Variants in MTUS1 observed in about 807,000 individuals in gnomAD.
MTUS1 encodes microtubule associated scaffold protein 1, also known as microtubule-associated tumor suppressor 1.
MTUS1 carries 109 observed loss-of-function variants against 120.8 expected under a neutral mutation model. The ratio of observed to expected loss-of-function variants is 0.90; its 90% CI spans 0.77 to 1.06. The LOEUF (loss-of-function observed/expected upper bound fraction) is 1.06. Ranked by LOEUF, MTUS1 falls within the 50% of genes least tolerant of loss-of-function variation. MTUS1 has a pLI of 0.00. For synonymous variants in MTUS1, 737 were observed against 550.5 expected (o/e 1.34, Z -4.74); for missense variants, 2,210 against 1,486.3 (o/e 1.49, Z -8.01).
chr8:17,700,816 T>G (rs1273178039), intron 6 of MTUS1, among the ~76,000 whole-genome samples: 2 of 152,180 alleles, frequency 1.3e-5, no homozygotes, highest in Admixed American at 1.3e-4. Context: ...AAACGATGTG[T>G]AAAGTCTATA....
At chr8:17,744,615 T>A (rs780522677) in intron 2 of MTUS1, among the ~76,000 whole-genome samples, 1 of 151,652 alleles carries the variant, frequency 6.6e-6, no homozygotes, top group Non-Finnish European at 1.5e-5. Context: ...CTAATTTTTA[T>A]ATTTTTGTAG....
Position 17,645,674 on chromosome 8 carries a change from C to G in MTUS1, c.*252G>C. 1 of 408,210 alleles carries G rather than the reference C, an allele frequency of 2.4e-6. No homozygotes were observed. The allele number at this position is 408,210 out of a possible 1,614,324, so 25.3% of individuals were successfully genotyped here. ...GCTCTCGTTCTTTAAGTGCTTTGTG[C>G]AACAACGTCCGTGTCGATGCCGAAA... On this transcript the variant is annotated 3_prime_UTR_variant, in exon 15 of 15. Transcript: ENST00000693296.
chr8:17,713,168 T>C (rs1412104276), intron 6 of MTUS1, 46 bp downstream of exon 6: 2 of 1,452,780 alleles, frequency 1.4e-6, no homozygotes, highest in South Asian at 1.2e-5. Flanking sequence ...TAACATAACT[T>C]TACAAAAAGA....
intron 8 of MTUS1, among the ~76,000 whole-genome samples, chr8:17,665,487 G>A (rs991992933): frequency 2.0e-5 from 3 of 151,070 alleles, no homozygotes; most frequent in African/African-American, 4.9e-5. Flanking sequence ...AAGAAGAATG[G>A]AAATAACGGA....
intron 2 of MTUS1, among the ~76,000 whole-genome samples, chr8:17,750,673 T>G (rs1180905495): frequency 2.0e-5 from 3 of 152,166 alleles, no homozygotes; most frequent in Non-Finnish European, 4.4e-5. Context: ...AATAACAATG[T>G]ATGGAAAGCA....
intron 14 of MTUS1, among the ~76,000 whole-genome samples, chr8:17,646,456 C>A (rs1397993830): frequency 6.6e-6 from 1 of 152,116 alleles, no homozygotes; most frequent in Non-Finnish European, 1.5e-5. Context: ...CGCATGGTGA[C>A]ATGTGCCTGT....
At chr8:17,653,393 T>TG (rs746206644) in intron 11 of MTUS1, 32 bp downstream of exon 11, 2 of 1,543,646 alleles carry the variant, frequency 1.3e-6, no homozygotes, top group South Asian at 2.4e-5. Context: ...TTTTTTTTTG[T>TG]GGGGGATACT....
rs150583359 is a variant in MTUS1 at position 17,696,114 on chromosome 8, T to G, written c.2624-11572A>C. Among the ~76,000 whole-genome samples the G allele has an allele frequency of 1.4e-3, 212 of 152,340 alleles. 2 individuals are homozygous for G. The highest frequency in any genetic ancestry group is 4.9e-3 in the African/African-American group (202 of 41,582). Reference sequence around the variant, plus strand: ...TATTAATTTGTTCAGTTGGAAGGGCTGCAGCGGCCCTGAGCTGGGAGAGGA... The same window carrying G: ...TATTAATTTGTTCAGTTGGAAGGGCGGCAGCGGCCCTGAGCTGGGAGAGGA... On this transcript the variant is annotated intron_variant, in intron 6 of 14. Coordinates refer to ENST00000693296, the MANE Select transcript of MTUS1 (RefSeq NM_001363059.2).
At chr8:17,723,887 G>A in intron 3 of MTUS1, 54 bp from the exon 4 acceptor site, 2 of 1,452,420 alleles carry the variant, frequency 1.4e-6, no homozygotes, top group Admixed American at 4.6e-5. Context: ...CCGAAAGCTG[G>A]CACTTTTTAA....
chr8:17,751,966 A>G (rs946321935), intron 2 of MTUS1, among the ~76,000 whole-genome samples: 14 of 152,208 alleles, frequency 9.2e-5, no homozygotes, highest in African/African-American at 3.4e-4. Context: ...AAGACTTACA[A>G]AGTATTTCAT....
intron 8 of MTUS1, among the ~76,000 whole-genome samples, chr8:17,656,512 A>G (rs187609348): frequency 6.6e-6 from 1 of 150,490 alleles, no homozygotes; most frequent in Non-Finnish European, 1.5e-5. Flanking sequence ...GGGGTGACAG[A>G]CTGAGACTCC....
chr8:17,686,622 G>A lies in MTUS1; in HGVS notation c.2624-2080C>T, dbSNP rs945006678. On this transcript the variant is annotated intron_variant, in intron 6 of 14. Coordinates refer to ENST00000693296, the MANE Select transcript of MTUS1 (RefSeq NM_001363059.2). ...TTCTAGAATTTCTATGCTAATCAAC[G>A]CTATTTTTAACACAATTTCAGAGCT... Among the ~76,000 whole-genome samples, 5 of 152,002 alleles carry A rather than the reference G, an allele frequency of 3.3e-5. No individual in the cohort carries two copies. In the East Asian group the frequency reaches 5.8e-4, roughly 18 times the overall value.
chr8:17,731,678 A>G (rs2046591160), intron 3 of MTUS1, among the ~76,000 whole-genome samples: 4 of 152,182 alleles, frequency 2.6e-5, no homozygotes, highest in Admixed American at 6.5e-5. Context: ...TATGCAAAAT[A>G]AAAAGACATA....
At chr8:17,657,873 G>A (rs1808760433) in intron 8 of MTUS1, among the ~76,000 whole-genome samples, 1 of 148,990 alleles carries the variant, frequency 6.7e-6, no homozygotes, top group South Asian at 2.1e-4. Context: ...AGGTACATAT[G>A]TGCACGTATA....
Position 17,778,487 on chromosome 8 carries a change from A to G in MTUS1, c.-154-22526T>C, listed in dbSNP as rs181418168. Reference sequence around the variant, plus strand: ...TGTACTATACACCCGAAAAGTGCAAATTCTGCTATATGTAAATTATACCTC... The same window carrying G: ...TGTACTATACACCCGAAAAGTGCAAGTTCTGCTATATGTAAATTATACCTC... On this transcript the variant is annotated intron_variant, in intron 1 of 14. Transcript: ENST00000693296. 2.6e-4 allele frequency among the ~76,000 whole-genome samples: 40 copies of G among 152,320 alleles called. 1 individual carries two copies. In the South Asian group the frequency reaches 6.2e-3, roughly 24 times the overall value.
At chr8:17,709,231 G>T (rs538377005) in intron 6 of MTUS1, among the ~76,000 whole-genome samples, 2 of 152,092 alleles carry the variant, frequency 1.3e-5, no homozygotes, top group African/African-American at 4.8e-5. Context: ...GGGGCATCAA[G>T]GATATTTGTT....
At position 17,646,136 on chromosome 8, in the gene MTUS1, C is replaced by T. The variant is rs2129957913; in HGVS notation, c.3603G>A (p.Gln1201=). The T allele has an allele frequency of 1.9e-6, 3 of 1,606,366 alleles. No individual in the cohort carries two copies. The highest frequency in any genetic ancestry group is 1.1e-5 in the South Asian group (1 of 89,818). ...RMDKHMAISR[Q]LSTEQAVLQE... ...GCAGAACAGCCTGCTCCGTGGAAAG[C>T]TGCCTTGAAGAAAAAGGCCAGAAAC... Residue 1201 remains glutamine (Q), a synonymous_variant, in exon 15 of 15, where the codon CAG becomes CAA. Transcript: ENST00000693296.
chr8:17,716,894 C>T lies in MTUS1; in HGVS notation c.2450-993G>A, dbSNP rs183969588. 2.4e-3 allele frequency among the ~76,000 whole-genome samples: 365 copies of T among 152,260 alleles called. 1 individual carries two copies. The highest frequency in any genetic ancestry group is 3.2e-3 in the Non-Finnish European group (216 of 68,016). On this transcript the variant is annotated intron_variant, in intron 4 of 14. Coordinates refer to ENST00000693296, the MANE Select transcript of MTUS1 (RefSeq NM_001363059.2). ...AATGATCAATATCCAATTCTAGGCA[C>T]CCAATTCTATTCTACTATTCAACGC...
chr8:17,656,975 C>T (rs1450562011), intron 8 of MTUS1, among the ~76,000 whole-genome samples: 7 of 143,532 alleles, frequency 4.9e-5, no homozygotes, highest in Admixed American at 7.4e-5. Context: ...AGGAGAATGG[C>T]GTGAACCCAG....
Sources: allele counts gnomAD v4.1 joint callset (sites outside exome capture counted in the v4.1 genomes callset), GRCh38; gene constraint gnomAD v4.1.1; transcripts MANE v1.5; gene names NCBI Gene and HGNC (gene_info 2026-07-23, HGNC 2026-07-21).